The following CCDC169 variants were observed in gnomAD, a reference collection of about 807,000 sequenced individuals.
The protein encoded by CCDC169 is coiled-coil domain containing 169, also known as coiled-coil domain-containing protein 169.
In CCDC169, 30 loss-of-function variants were observed where a neutral mutation model predicts 36.0. That is an observed-to-expected ratio of 0.83 (90% CI 0.62 to 1.13). CCDC169 has a LOEUF of 1.13. CCDC169 is among the 50% of genes most tolerant of loss of function. The pLI is 0.00. For synonymous variants in CCDC169, 85 were observed against 81.5 expected, an observed-to-expected ratio of 1.04 and a Z score of -0.23; for missense variants, 245 against 245.9, an observed-to-expected ratio of 1.00 and a Z score of 0.03.
chr13:36,281,254 A>G, intron 4 of CCDC169: 1 of 450,768 alleles, frequency 2.2e-6, no homozygotes, highest in Non-Finnish European at 4.4e-6. Context: ...TGCAAACCTC[A>G]TACTTTCTGT....
rs77326816 is a variant in CCDC169 at position 36,262,779 on chromosome 13, C to G, written c.316-8636G>C. ...GAGCTAGTGGCCTTGCTTTCTTGAA[C>G]TATGTCTCTGTGCCCAGCTCTGGAT... On this transcript the variant is annotated intron_variant, in intron 4 of 7. Transcript: ENST00000239859. Among the ~76,000 whole-genome samples, 51 of 152,306 alleles carry G rather than the reference C, an allele frequency of 3.3e-4. No individual in the cohort carries two copies. In the East Asian group the frequency reaches 7.9e-3, roughly 24 times the overall value.
chr13:36,227,890 G>A (rs1482432413), downstream of CCDC169, among the ~76,000 whole-genome samples: 1 of 151,970 alleles, frequency 6.6e-6, no homozygotes, highest in East Asian at 1.9e-4. Context: ...TTGCCTATTT[G>A]GGACATTTCA....
At chr13:36,275,427 TTCTG>T (rs1281406212) in intron 4 of CCDC169, among the ~76,000 whole-genome samples, 1 of 152,164 alleles carries the variant, frequency 6.6e-6, no homozygotes, top group Non-Finnish European at 1.5e-5. Context: ...AAACTAACTT[TTCTG>T]TCTGTGATTT....
intron 4 of CCDC169, chr13:36,283,230 T>C (rs1877755339): frequency 4.0e-6 from 2 of 499,598 alleles, no homozygotes; most frequent in Non-Finnish European, 7.0e-6. Context: ...TGGCGGTGAT[T>C]CAAAAAGCAA....
intron 4 of CCDC169, among the ~76,000 whole-genome samples, chr13:36,268,836 G>A (rs565961148): frequency 8.8e-4 from 134 of 152,278 alleles, no homozygotes; most frequent in Middle Eastern, 3.4e-3. Context: ...CAGGCATGGT[G>A]GCTCATGCCT....
chr13:36,293,542 C>T (rs1294493237), intron 2 of CCDC169, among the ~76,000 whole-genome samples: 1 of 152,182 alleles, frequency 6.6e-6, no homozygotes, highest in African/African-American at 2.4e-5. Flanking sequence ...TGTGCCAGTT[C>T]TGGGAGTAGC....
chr13:36,281,299 ACTTT>A lies in CCDC169; in HGVS notation c.315+2166_315+2169del, dbSNP rs769422924. 4.8e-3 allele frequency: 2,149 copies of A among 449,052 alleles called. 9 individuals carry two copies. The highest frequency in any genetic ancestry group is 7.7e-3 in the Non-Finnish European group (1,736 of 224,840). 27.8% of individuals were successfully genotyped at this position (449,052 alleles called of 1,614,324 possible). Reference sequence around the variant, plus strand: ...AAAAAAAAGAAAAGAGAAAAAAAAAACTTTACTTGTTTAAACCTTTCTCTTACAT... The same window carrying A: ...AAAAAAAAGAAAAGAGAAAAAAAAAAACTTGTTTAAACCTTTCTCTTACAT... On this transcript the variant is annotated intron_variant, in intron 4 of 7. Coordinates refer to ENST00000239859, the MANE Select transcript of CCDC169 (RefSeq NM_001144981.3).
intron 4 of CCDC169, among the ~76,000 whole-genome samples, chr13:36,267,993 G>T (rs771793959): frequency 6.6e-6 from 1 of 151,962 alleles, no homozygotes; most frequent in African/African-American, 2.4e-5. Flanking sequence ...ATTACTACTA[G>T]ATCTAAGAAA....
At chr13:36,297,471 C>G (rs908784741) in intron 1 of CCDC169, among the ~76,000 whole-genome samples, 166 bp downstream of exon 1, 1 of 152,264 alleles carries the variant, frequency 6.6e-6, no homozygotes, top group Non-Finnish European at 1.5e-5. Flanking sequence ...CAAAGAGGCA[C>G]GTGAATCTTT....
chr13:36,273,778 T>A (rs539445463), intron 4 of CCDC169, among the ~76,000 whole-genome samples: 8 of 152,224 alleles, frequency 5.3e-5, no homozygotes, highest in Non-Finnish European at 1.2e-4. Flanking sequence ...AAGCACCATG[T>A]GGAAAATGTA....
At chr13:36,276,609 G>A (rs1479986544) in intron 4 of CCDC169, among the ~76,000 whole-genome samples, 2 of 152,180 alleles carry the variant, frequency 1.3e-5, no homozygotes, top group Non-Finnish European at 2.9e-5. Context: ...TTTCCCTGAA[G>A]GATCCAAGCT....
At chr13:36,297,373 G>A (rs968123094) in intron 1 of CCDC169, among the ~76,000 whole-genome samples, 1 of 152,136 alleles carries the variant, frequency 6.6e-6, no homozygotes, top group Non-Finnish European at 1.5e-5. Context: ...TACAGTATAT[G>A]GGCAAAATAC....
At chr13:36,290,023 TA>T (rs35688284) in intron 2 of CCDC169, among the ~76,000 whole-genome samples, 2 of 151,930 alleles carry the variant, frequency 1.3e-5, no homozygotes, top group East Asian at 1.9e-4. Flanking sequence ...TCCAGCCCCT[TA>T]AAAAAAAGGT....
chr13:36,274,026 G>GA (rs1412248046), intron 4 of CCDC169, among the ~76,000 whole-genome samples: 1 of 152,142 alleles, frequency 6.6e-6, no homozygotes, highest in Non-Finnish European at 1.5e-5. Context: ...GTGTGGCCCA[G>GA]AATTCCCAGA....
downstream of CCDC169, chr13:36,227,461 G>A (rs1869963145): frequency 3.7e-6 from 5 of 1,357,686 alleles, no homozygotes. Flanking sequence ...ATTCCAACCA[G>A]TTTATTGTAT....
downstream of CCDC169, among the ~76,000 whole-genome samples, chr13:36,228,117 G>A (rs1870046217): frequency 6.6e-6 from 1 of 152,122 alleles, no homozygotes; most frequent in Admixed American, 6.6e-5. Flanking sequence ...TTGAATAATG[G>A]TGCCACAAAC....
chr13:36,272,110 A>G (rs1162787624), intron 4 of CCDC169, among the ~76,000 whole-genome samples: 1 of 84,654 alleles, frequency 1.2e-5, no homozygotes, highest in African/African-American at 3.7e-5. Flanking sequence ...TAAAAAAATA[A>G]ATAAATAAAT....
chr13:36,274,868 A>ATTTTT (rs3083971), intron 4 of CCDC169, among the ~76,000 whole-genome samples: 2,031 of 118,368 alleles, frequency 0.017, 80 homozygotes, highest in South Asian at 0.027. Context: ...CATTAGCTGC[A>ATTTTT]TTTTTTTTTT....
At chr13:36,249,543 C>A (rs1872892089) in intron 6 of CCDC169, among the ~76,000 whole-genome samples, 1 of 152,122 alleles carries the variant, frequency 6.6e-6, no homozygotes, top group African/African-American at 2.4e-5. Context: ...GACTAAAAAG[C>A]AATGGCAATG....
Sources: allele counts gnomAD v4.1 joint callset (sites outside exome capture counted in the v4.1 genomes callset), GRCh38; gene constraint gnomAD v4.1.1; transcripts MANE v1.5; gene names NCBI Gene and HGNC (gene_info 2026-07-23, HGNC 2026-07-21).